PDE7B: variants seen among roughly 807,000 people sequenced by gnomAD.
The protein encoded by PDE7B is 3',5'-cyclic-AMP phosphodiesterase 7B.
A neutral mutation model predicts 56.2 loss-of-function variants in PDE7B; 29 were observed. That is an observed-to-expected ratio of 0.52 (90% confidence interval 0.38 to 0.70). PDE7B has a LOEUF of 0.70. Among genes scored for constraint, PDE7B ranks in the 30% least tolerant of loss-of-function variants. The probability of loss-of-function intolerance (pLI) is 0.00; values close to 1 mark genes in which losing one functional copy is unlikely to be tolerated. For synonymous variants in PDE7B, 197 were observed against 196.9 expected (o/e 1.00, Z 0.00); for missense variants, 490 against 565.0 (o/e 0.87, Z 1.35).
intron 11 of PDE7B, among the ~76,000 whole-genome samples, chr6:136,183,091 A>AAG (rs1247759480): frequency 2.0e-5 from 3 of 148,736 alleles, no homozygotes; most frequent in African/African-American, 5.1e-5. Context: ...AAAAAAAAAA[A>AAG]CCCTTTTCTC....
chr6:136,016,755 C>T (rs1474769493), intron 2 of PDE7B, among the ~76,000 whole-genome samples: 1 of 151,996 alleles, frequency 6.6e-6, no homozygotes, highest in African/African-American at 2.4e-5. Context: ...GGCAGAAGGA[C>T]TTCTGGGAGA....
intron 1 of PDE7B, among the ~76,000 whole-genome samples, chr6:135,936,933 T>A (rs1366230217): frequency 6.6e-6 from 1 of 152,214 alleles, no homozygotes; most frequent in Non-Finnish European, 1.5e-5. Flanking sequence ...ATATGGAGTA[T>A]ACTAAATCTA....
intron 2 of PDE7B, among the ~76,000 whole-genome samples, chr6:135,980,919 C>A (rs985238534): frequency 1.3e-5 from 2 of 148,166 alleles, no homozygotes; most frequent in Non-Finnish European, 3.0e-5. Context: ...TTTGACCCAG[C>A]CATCCCATTA....
At chr6:136,190,110 A>G (rs1238794014) in intron 12 of PDE7B, among the ~76,000 whole-genome samples, 1 of 152,208 alleles carries the variant, frequency 6.6e-6, no homozygotes, top group East Asian at 1.9e-4. Context: ...GTCTTTTTAG[A>G]TATCTAATAT....
At chr6:135,904,029 G>C (rs1387081170) in intron 1 of PDE7B, among the ~76,000 whole-genome samples, 1 of 152,084 alleles carries the variant, frequency 6.6e-6, no homozygotes, top group African/African-American at 2.4e-5. Flanking sequence ...TACCAACTAA[G>C]TAAGAGGCAG....
intron 2 of PDE7B, among the ~76,000 whole-genome samples, chr6:136,014,251 T>G (rs1253237521): frequency 6.6e-6 from 1 of 152,234 alleles, no homozygotes. Flanking sequence ...TCACTCACAA[T>G]ACCACTAAGG....
rs1404954510 is a variant in PDE7B at position 135,935,186 on chromosome 6, T to TTTATATATATA, written c.22-12277_22-12276insTATATATATAT. Among the ~76,000 whole-genome samples the TTTATATATATA allele has an allele frequency of 4.4e-4, 17 of 38,446 alleles. 1 individual carries two copies. Among genetic ancestry groups the TTTATATATATA allele is most frequent in the African/African-American group, 2.5e-3 (17 of 6,752 alleles). 25.2% of individuals were successfully genotyped at this position (38,446 alleles called of 152,430 possible). A position where few individuals can be genotyped will look rare whatever the true frequency, so the allele number is the denominator to read the frequency against. On this transcript the variant is annotated intron_variant, in intron 1 of 12. Transcript: ENST00000308191. ...GACAGAGAATTTTATATATATATAT[T>TTTATATATATA]TATTTATATATATATATATATATAT... is the stretch of plus-strand genomic sequence containing the variant.
intron 1 of PDE7B, among the ~76,000 whole-genome samples, chr6:135,895,826 CA>C (rs1440323784): frequency 6.6e-6 from 1 of 152,050 alleles, no homozygotes; most frequent in Non-Finnish European, 1.5e-5. Context: ...GAAAAGAATA[CA>C]AGGAGGATTT....
At chr6:135,981,404 TGCA>T (rs1306527303) in intron 2 of PDE7B, among the ~76,000 whole-genome samples, 1 of 151,806 alleles carries the variant, frequency 6.6e-6, no homozygotes, top group Non-Finnish European at 1.5e-5. Flanking sequence ...CTGTACATTG[TGCA>T]GCACATGTAC....
intron 2 of PDE7B, among the ~76,000 whole-genome samples, chr6:135,984,032 C>T (rs6938424): frequency 0.084 from 12,859 of 152,244 alleles, 871 homozygotes; most frequent in African/African-American, 0.18. Context: ...TAAATGTGGT[C>T]CATCTTTCTT....
At chr6:136,121,402 T>C (rs1171960155) in intron 3 of PDE7B, among the ~76,000 whole-genome samples, 1 of 152,246 alleles carries the variant, frequency 6.6e-6, no homozygotes, top group Non-Finnish European at 1.5e-5. Context: ...CATTTCATGT[T>C]CTACCACATT....
At chr6:136,158,734 T>A (rs963437362) in intron 8 of PDE7B, among the ~76,000 whole-genome samples, 2 of 152,168 alleles carry the variant, frequency 1.3e-5, no homozygotes, top group Admixed American at 1.3e-4. Context: ...AAGGCACTTC[T>A]ACTTGGCACC....
At chr6:135,854,371 A>G (rs1774987686) in intron 1 of PDE7B, among the ~76,000 whole-genome samples, 1 of 152,216 alleles carries the variant, frequency 6.6e-6, no homozygotes, top group Non-Finnish European at 1.5e-5. Flanking sequence ...GAGGTAGTCT[A>G]AGTAGTTGAC....
intron 11 of PDE7B, among the ~76,000 whole-genome samples, chr6:136,181,811 C>G (rs1443078932): frequency 6.6e-6 from 1 of 151,758 alleles, no homozygotes; most frequent in East Asian, 1.9e-4. Context: ...AAAGTGAGTT[C>G]TTCCTTTCAA....
intron 3 of PDE7B, 118 bp downstream of exon 3, chr6:136,108,932 C>A: frequency 1.4e-6 from 1 of 719,108 alleles, no homozygotes; most frequent in South Asian, 1.5e-5. Context: ...TCCTGAATCT[C>A]TCTTCTGCCA....
At chr6:135,948,568 GAAAC>G (rs1283730077) in intron 2 of PDE7B, among the ~76,000 whole-genome samples, 3 of 151,862 alleles carry the variant, frequency 2.0e-5, no homozygotes, top group Non-Finnish European at 2.9e-5. Context: ...CACGACTTAA[GAAAC>G]AAACAAAAAC....
chr6:136,171,235 CT>C (rs1480896119), intron 8 of PDE7B, among the ~76,000 whole-genome samples: 1 of 152,098 alleles, frequency 6.6e-6, no homozygotes, highest in Non-Finnish European at 1.5e-5. Context: ...CACAGGTTCC[CT>C]CAAGGACAGG....
intron 1 of PDE7B, among the ~76,000 whole-genome samples, chr6:135,909,905 C>G (rs1362714223): frequency 6.6e-6 from 1 of 152,094 alleles, no homozygotes; most frequent in African/African-American, 2.4e-5. Context: ...GGGACTAGCT[C>G]TAGGCTGAAG....
intron 1 of PDE7B, among the ~76,000 whole-genome samples, chr6:135,936,584 C>T (rs1333963567): frequency 6.6e-6 from 1 of 152,162 alleles, no homozygotes; most frequent in South Asian, 2.1e-4. Flanking sequence ...GTATCAGGCT[C>T]AGGGGCAGGA....
Sources: gnomAD v4.1 joint callset for allele counts (sites outside exome capture counted in the v4.1 genomes callset) on GRCh38, gnomAD v4.1.1 for gene constraint, MANE v1.5 for transcripts, NCBI Gene and HGNC (gene_info 2026-07-23, HGNC 2026-07-21) for gene names.